ZNF483: variants seen among roughly 807,000 people sequenced by gnomAD.
The protein encoded by ZNF483 is zinc finger protein 483.
A neutral mutation model predicts 28.6 loss-of-function variants in ZNF483; 9 were observed. That is an observed-to-expected ratio of 0.32 (90% CI 0.19 to 0.55). ZNF483 has a LOEUF of 0.55. Among genes scored for constraint, ZNF483 ranks in the 20% least tolerant of loss-of-function variants. The probability of loss-of-function intolerance (pLI) is 0.93; values close to 1 mark genes in which losing one functional copy is unlikely to be tolerated. For missense variants in ZNF483, 675 were observed against 871.7 expected (o/e 0.77, Z 2.84); for synonymous variants, 322 against 306.2 (o/e 1.05, Z -0.54).
At position 111,549,780 on chromosome 9, in the gene ZNF483, T is replaced by G. The variant is rs766534334; in HGVS notation, c.*6610T>G. The G allele has an allele frequency of 1.3e-6, 2 of 1,546,570 alleles. No individual in the cohort carries two copies. Among genetic ancestry groups the G allele is most frequent in the South Asian group, 2.4e-5 (2 of 83,926 alleles). Reference sequence around the variant, plus strand: ...TTTTTCTGCTTTGAAGCTTCAATCTTCTTCATTTTCTCTTTTGATCTGTCA... The same window carrying G: ...TTTTTCTGCTTTGAAGCTTCAATCTGCTTCATTTTCTCTTTTGATCTGTCA... On this transcript the variant is annotated 3_prime_UTR_variant, in exon 6 of 6. Transcript: ENST00000309235.
rs1827862005 is a variant in ZNF483, at chr9:111,548,828, T to C, written c.*5658T>C. Among the ~76,000 whole-genome samples, 1 of 152,086 alleles carries C rather than the reference T, an allele frequency of 6.6e-6. No homozygotes were observed. Among genetic ancestry groups the C allele is most frequent in the African/African-American group, 2.4e-5 (1 of 41,382 alleles). ...ATTCTCAGTTGACAGTTTTTTTTTT[T>C]TTCTTTCTGCATTAAGAGTATAACA... is the stretch of plus-strand genomic sequence containing the variant. On this transcript the variant is annotated 3_prime_UTR_variant, in exon 6 of 6. Transcript: ENST00000309235.
At chr9:111,532,595 C>T (rs543427291) in intron 3 of ZNF483, among the ~76,000 whole-genome samples, 4 of 152,288 alleles carry the variant, frequency 2.6e-5, no homozygotes, top group Admixed American at 2.0e-4. Flanking sequence ...TCTCAGACTT[C>T]TGGCCTCCAG....
chr9:111,529,148 A>AAAAG (rs34544684), intron 2 of ZNF483, among the ~76,000 whole-genome samples: 83,201 of 149,340 alleles, frequency 0.56, 23,808 homozygotes, highest in Non-Finnish European at 0.64. Flanking sequence ...AAAAAAAAAA[A>AAAAG]GATTGATTTC....
chr9:111,528,642 T>C (rs1346075813), intron 2 of ZNF483, among the ~76,000 whole-genome samples: 1 of 152,188 alleles, frequency 6.6e-6, no homozygotes, highest in Admixed American at 6.5e-5. Context: ...TTATTTACCA[T>C]AGGGCTCCTG....
chr9:111,527,041 G>T (rs1827199750), intron 1 of ZNF483, among the ~76,000 whole-genome samples: 1 of 152,018 alleles, frequency 6.6e-6, no homozygotes, highest in Non-Finnish European at 1.5e-5. Flanking sequence ...GGCAGAGGTT[G>T]CAGTGAGCCG....
intron 5 of ZNF483, among the ~76,000 whole-genome samples, chr9:111,534,718 CTTT>C (rs67740162): frequency 6.8e-5 from 6 of 88,122 alleles, no homozygotes; most frequent in South Asian, 4.4e-4. Flanking sequence ...GTCGTTCTAT[CTTT>C]TTTTTTTTTT....
In ZNF483 at chr9:111,543,011, G is replaced by T; in HGVS notation, c.2076G>T (p.Glu692Asp). Residue 692 changes from glutamate (E) to aspartate (D), a missense_variant, in exon 6 of 6, where the codon GAG (glutamate) becomes GAT (aspartate). By Grantham distance (45) the Glu-to-Asp change is conservative. Transcript: ENST00000309235. ...TTCATACAGGAGAGAAACCCTATGA[G>T]TGTAACTATTGTGGTGCAACCTTTA... ...HRIHTGEKPYECNYCGATFSR... is the reference protein window; with the variant it reads ...HRIHTGEKPYDCNYCGATFSR... The T allele has an allele frequency of 6.2e-7, 1 of 1,614,188 alleles. No homozygotes were observed. The highest frequency in any genetic ancestry group is 8.5e-7 in the Non-Finnish European group (1 of 1,180,020).
chr9:111,551,404 T>G lies in ZNF483; in HGVS notation c.*8234T>G, dbSNP rs28838980. On this transcript the variant is annotated 3_prime_UTR_variant, in exon 6 of 6. Coordinates refer to ENST00000309235, the MANE Select transcript of ZNF483 (RefSeq NM_133464.5). Reference sequence around the variant, plus strand: ...TGAATCAAGTATCCAGTTTTTGTTTTTTTTTTTTTTTTTTTTTTTTTGAGA... The same window carrying G: ...TGAATCAAGTATCCAGTTTTTGTTTGTTTTTTTTTTTTTTTTTTTTTGAGA... 7.4e-6 allele frequency among the ~76,000 whole-genome samples: 1 copy of G among 135,208 alleles called. No homozygotes were observed. Among genetic ancestry groups the G allele is most frequent in the African/African-American group, 2.8e-5 (1 of 36,262 alleles). The allele number at this position is 135,208 out of a possible 152,430, so 88.7% of individuals were successfully genotyped here.
intron 5 of ZNF483, among the ~76,000 whole-genome samples, chr9:111,565,876 A>G (rs1828539742): frequency 6.6e-6 from 1 of 152,108 alleles, no homozygotes; most frequent in South Asian, 2.1e-4. Context: ...GAATGAGATT[A>G]AAAAGGGAGT....
chr9:111,525,818 G>A (rs1057003639), intron 1 of ZNF483, among the ~76,000 whole-genome samples: 2 of 152,016 alleles, frequency 1.3e-5, no homozygotes, highest in Admixed American at 6.6e-5. Flanking sequence ...CCTAATATTT[G>A]GCAGAGGAAT....
Position 111,534,109 on chromosome 9 carries a change from T to C in ZNF483, c.629-152T>C, listed in dbSNP as rs894372096. ...TTTGATTTCATCAGTGGAATACCTT[T>C]TCCCATTTTTGTCTCAAGTTCCAGT... is the stretch of plus-strand genomic sequence containing the variant. On this transcript the variant is annotated intron_variant, in intron 4 of 5. Coordinates refer to ENST00000309235, the MANE Select transcript of ZNF483 (RefSeq NM_133464.5). The C allele has an allele frequency of 9.0e-6, 7 of 775,492 alleles. No individual in the cohort carries two copies. The Admixed American group carries it at 1.6e-4, about 17-fold the overall frequency. The allele number at this position is 775,492 out of a possible 1,614,324, so 48.0% of individuals were successfully genotyped here. A position where few individuals can be genotyped will look rare whatever the true frequency, so the allele number is the denominator to read the frequency against.
chr9:111,558,583 C>T (rs1285143132), downstream of ZNF483, among the ~76,000 whole-genome samples: 1 of 152,210 alleles, frequency 6.6e-6, no homozygotes, highest in Non-Finnish European at 1.5e-5. Context: ...CAAACCATTT[C>T]TGGTTCCTTT....
At position 111,570,171 on chromosome 9, in the gene ZNF483, T is replaced by A. The variant is rs371168547; in HGVS notation, c.722-6194T>A. The A allele has an allele frequency of 7.0e-5, 113 of 1,613,946 alleles. 1 individual carries two copies. Among genetic ancestry groups the A allele is most frequent in the Non-Finnish European group, 9.1e-5 (107 of 1,180,022 alleles). On this transcript the variant is annotated intron_variant, in intron 5 of 5. Coordinates refer to the ZNF483 transcript ENST00000358151. ...CAGCGGTAGACGACAAAAGCTTCCA[T>A]GCGAAGCTCCTGATAGATAACAATC...
intron 2 of ZNF483, 97 bp from the exon 3 acceptor site, chr9:111,530,778 T>TATATATATATATATATAC (rs1827313983): frequency 1.9e-5 from 1 of 51,884 alleles, no homozygotes; most frequent in Non-Finnish European, 3.7e-5. Flanking sequence ...TATATATATA[T>TATATATATATATATATAC]ATATATATAT....
chr9:111,529,153 G>C (rs889992245), intron 2 of ZNF483, among the ~76,000 whole-genome samples: 2 of 151,672 alleles, frequency 1.3e-5, no homozygotes, highest in Non-Finnish European at 2.9e-5. Context: ...AAAAAAGATT[G>C]ATTTCTAGGA....
At chr9:111,529,358 T>C (rs1426464698) in intron 2 of ZNF483, among the ~76,000 whole-genome samples, 4 of 152,240 alleles carry the variant, frequency 2.6e-5, no homozygotes, top group African/African-American at 9.6e-5. Flanking sequence ...GGTTTTTATG[T>C]ATGTATTTTT....
chr9:111,576,472 C>T, exon 6 of ZNF483: 2 of 1,609,644 alleles, frequency 1.2e-6, no homozygotes. Flanking sequence ...AGGATGGGGC[C>T]ACTGCAGTGC....
intron 2 of ZNF483, 116 bp from the exon 3 acceptor site, chr9:111,530,758 TA>T (rs767361062): frequency 0.076 from 473 of 6,208 alleles, 6 homozygotes; most frequent in Middle Eastern, 0.21. Context: ...CACTTAGAAA[TA>T]TATATATATA....
At chr9:111,528,649 C>T (rs1827241000) in intron 2 of ZNF483, among the ~76,000 whole-genome samples, 2 of 152,044 alleles carry the variant, frequency 1.3e-5, no homozygotes, top group Non-Finnish European at 1.5e-5. Context: ...CCATAGGGCT[C>T]CTGACATATG....
Sources: gnomAD v4.1 joint callset for allele counts (sites outside exome capture counted in the v4.1 genomes callset) on GRCh38, gnomAD v4.1.1 for gene constraint, MANE v1.5 for transcripts, NCBI Gene and HGNC (gene_info 2026-07-23, HGNC 2026-07-21) for gene names.